Variants in JAM3 observed in about 807,000 individuals in gnomAD.
The protein encoded by JAM3 is junctional adhesion molecule C.
Under a neutral mutation model 39.4 loss-of-function variants are expected in JAM3, and 31 were observed. That is an observed-to-expected ratio of 0.79 (90% CI 0.59 to 1.06). JAM3 has a LOEUF of 1.06. JAM3 is among the 50% of genes least tolerant of loss of function. The pLI, the probability that JAM3 is intolerant of heterozygous loss-of-function variation, is 0.00. For synonymous variants in JAM3, 182 were observed against 148.7 expected (o/e 1.22, Z -1.63); for missense variants, 455 against 391.4 (o/e 1.16, Z -1.37).
At chr11:134,125,595 G>A (rs773775581) in intron 1 of JAM3, among the ~76,000 whole-genome samples, 1 of 152,138 alleles carries the variant, frequency 6.6e-6, no homozygotes, top group Admixed American at 6.5e-5. Context: ...GCTAGCATCC[G>A]ATCCCCTGTC....
At chr11:134,119,515 A>T (rs925992487) in intron 1 of JAM3, among the ~76,000 whole-genome samples, 1 of 152,146 alleles carries the variant, frequency 6.6e-6, no homozygotes, top group Non-Finnish European at 1.5e-5. Context: ...AGAGATAGAG[A>T]TGTATTATAA....
intron 1 of JAM3, among the ~76,000 whole-genome samples, chr11:134,071,424 T>G (rs187196558): frequency 6.6e-6 from 1 of 152,378 alleles, no homozygotes; most frequent in Non-Finnish European, 1.5e-5. Context: ...ATGGATCAGT[T>G]TAAACAGATT....
intron 1 of JAM3, among the ~76,000 whole-genome samples, chr11:134,117,275 G>A (rs1462818443): frequency 6.6e-6 from 1 of 152,202 alleles, no homozygotes; most frequent in Admixed American, 6.5e-5. Context: ...TACTCAGGAG[G>A]CTGAGGCAGA....
chr11:134,107,837 A>G (rs1032711784), intron 1 of JAM3, among the ~76,000 whole-genome samples: 1 of 151,848 alleles, frequency 6.6e-6, no homozygotes, highest in African/African-American at 2.4e-5. Context: ...CACTCTGGCT[A>G]AGCAACAGAG....
At chr11:134,126,985 G>T (rs1040602942) in intron 1 of JAM3, among the ~76,000 whole-genome samples, 2 of 152,216 alleles carry the variant, frequency 1.3e-5, no homozygotes, top group African/African-American at 4.8e-5. Flanking sequence ...TGAGAAATAA[G>T]TGGCTAGATT....
chr11:134,101,001 C>T (rs576497803), intron 1 of JAM3, among the ~76,000 whole-genome samples: 32 of 152,110 alleles, frequency 2.1e-4, no homozygotes, highest in Non-Finnish European at 2.6e-4. Context: ...AAACCATTCT[C>T]GGTATAAGTG....
intron 1 of JAM3, among the ~76,000 whole-genome samples, chr11:134,110,988 T>C (rs1037736724): frequency 2.4e-4 from 37 of 152,116 alleles, no homozygotes; most frequent in Admixed American, 1.3e-3. Flanking sequence ...GACATAGATA[T>C]GGAGGTATTC....
intron 1 of JAM3, among the ~76,000 whole-genome samples, chr11:134,134,953 G>T (rs781660633): frequency 5.3e-5 from 8 of 151,910 alleles, no homozygotes; most frequent in South Asian, 2.1e-4. Context: ...TCTGTATGTT[G>T]TCTTTTCACT....
intron 1 of JAM3, among the ~76,000 whole-genome samples, chr11:134,099,637 C>T (rs1023530758): frequency 2.0e-5 from 3 of 152,206 alleles, no homozygotes; most frequent in African/African-American, 7.2e-5. Context: ...GAATCTCGCT[C>T]TGTCACCCGC....
chr11:134,145,655 G>A (rs1344310010), intron 5 of JAM3, among the ~76,000 whole-genome samples: 1 of 152,196 alleles, frequency 6.6e-6, no homozygotes, highest in Non-Finnish European at 1.5e-5. Flanking sequence ...TTGCCAAAAT[G>A]TTGCCCCAGG....
At position 134,150,828 on chromosome 11, in the gene JAM3, T is replaced by A. The variant is rs1437574124; in HGVS notation, c.*1647T>A. 7.9e-5 allele frequency: 12 copies of A among 151,636 alleles called. No individual in the cohort carries two copies. Among genetic ancestry groups the A allele is most frequent in the Non-Finnish European group, 2.9e-5 (2 of 67,890 alleles). The allele number at this position is 151,636 out of a possible 1,614,324, so 9.4% of individuals were successfully genotyped here. ...CATTTCAAAACAAACCATGATGGAG[T>A]GGCGGCCAGTCCAGCCTTTTAAAGA... On this transcript the variant is annotated 3_prime_UTR_variant, in exon 9 of 9. Coordinates refer to ENST00000299106, the MANE Select transcript of JAM3 (RefSeq NM_032801.5).
intron 1 of JAM3, among the ~76,000 whole-genome samples, chr11:134,070,649 G>A (rs956813855): frequency 3.9e-5 from 6 of 152,234 alleles, no homozygotes; most frequent in African/African-American, 1.4e-4. Flanking sequence ...CACTGACACT[G>A]TCCTATTCAC....
At chr11:134,140,113 C>T (rs757349344) in intron 2 of JAM3, among the ~76,000 whole-genome samples, 197 bp downstream of exon 2, 3 of 152,214 alleles carry the variant, frequency 2.0e-5, no homozygotes, top group Non-Finnish European at 4.4e-5. Context: ...CATCAGCTGT[C>T]ATCGCACTCC....
chr11:134,113,988 C>T (rs1351700040), intron 1 of JAM3, among the ~76,000 whole-genome samples: 9 of 152,214 alleles, frequency 5.9e-5, no homozygotes, highest in East Asian at 3.9e-4. Context: ...GCATAAATGT[C>T]TTCTTTTCAG....
chr11:134,086,440 A>G (rs1343818931), intron 1 of JAM3, among the ~76,000 whole-genome samples: 1 of 152,108 alleles, frequency 6.6e-6, no homozygotes, highest in Non-Finnish European at 1.5e-5. Flanking sequence ...TCTGGTTTTA[A>G]GTTTCATGAG....
intron 8 of JAM3, 41 bp downstream of exon 8, chr11:134,148,859 A>C: frequency 6.2e-7 from 1 of 1,600,142 alleles, no homozygotes; most frequent in Non-Finnish European, 8.6e-7. Flanking sequence ...TGTACCCAGC[A>C]GGGAAAACAA....
At chr11:134,069,546 G>C (rs1420201525) in intron 1 of JAM3, among the ~76,000 whole-genome samples, 1 of 151,412 alleles carries the variant, frequency 6.6e-6, no homozygotes, top group East Asian at 2.0e-4. Flanking sequence ...TGTGCTGGGC[G>C]GTGGGCTCAT....
At chr11:134,137,343 C>G (rs1285262085) in intron 1 of JAM3, among the ~76,000 whole-genome samples, 1 of 152,178 alleles carries the variant, frequency 6.6e-6, no homozygotes, top group African/African-American at 2.4e-5. Context: ...GTTACCAACT[C>G]TAGTATTTCC....
intron 1 of JAM3, among the ~76,000 whole-genome samples, chr11:134,097,253 C>T (rs1364655809): frequency 2.0e-5 from 3 of 152,264 alleles, no homozygotes; most frequent in African/African-American, 7.2e-5. Context: ...GAAACAATTT[C>T]TAAGAGGGAA....
Sources: gnomAD v4.1 joint callset for allele counts (sites outside exome capture counted in the v4.1 genomes callset) on GRCh38, gnomAD v4.1.1 for gene constraint, MANE v1.5 for transcripts, NCBI Gene and HGNC (gene_info 2026-07-23, HGNC 2026-07-21) for gene names.